Variants in SCHIP1 observed in about 807,000 individuals in gnomAD.
The protein encoded by SCHIP1 is schwannomin-interacting protein 1.
Under a neutral mutation model 29.7 loss-of-function variants are expected in SCHIP1, and 8 were observed. That is an observed-to-expected ratio of 0.27 (90% CI 0.16 to 0.49). The LOEUF is 0.49. SCHIP1 is among the 20% of genes least tolerant of loss of function. SCHIP1 has a pLI of 0.99. For synonymous variants in SCHIP1, 76 were observed against 94.9 expected (o/e 0.80, Z 1.16); for missense variants, 193 against 294.6 (o/e 0.66, Z 2.52).
the SCHIP1 span, among the ~76,000 whole-genome samples, chr3:159,739,101 A>T: frequency 6.6e-6 from 1 of 152,200 alleles, no homozygotes; most frequent in Non-Finnish European, 1.5e-5. Context: ...GCAGGACACC[A>T]TTGGCTTCTA....
the SCHIP1 span, among the ~76,000 whole-genome samples, chr3:159,603,329 G>C: frequency 2.0e-5 from 3 of 152,238 alleles, no homozygotes; most frequent in East Asian, 5.8e-4. Flanking sequence ...AGGATTTATG[G>C]AAGCTTCATT....
the SCHIP1 span, among the ~76,000 whole-genome samples, chr3:159,409,303 G>GAA: frequency 6.7e-6 from 1 of 149,440 alleles, no homozygotes; most frequent in African/African-American, 2.5e-5. Context: ...TCAGACAATA[G>GAA]AAAAAAAAAG....
the SCHIP1 span, among the ~76,000 whole-genome samples, chr3:159,535,305 A>G: frequency 6.6e-6 from 1 of 152,110 alleles, no homozygotes; most frequent in Non-Finnish European, 1.5e-5. Context: ...TCATTCTTCT[A>G]CAGGTATATG....
At chr3:159,496,549 A>T in the SCHIP1 span, among the ~76,000 whole-genome samples, 13 of 152,208 alleles carry the variant, frequency 8.5e-5, no homozygotes, top group Non-Finnish European at 1.9e-4. Context: ...TCAAAACCAC[A>T]ATGAGATACC....
the SCHIP1 span, chr3:159,274,324 A>G: frequency 1.0e-6 from 1 of 981,964 alleles, no homozygotes; most frequent in Non-Finnish European, 1.2e-6. Flanking sequence ...TTATACTTTC[A>G]GTTACCAAAA....
the SCHIP1 span, among the ~76,000 whole-genome samples, chr3:159,357,334 C>A: frequency 6.6e-6 from 1 of 152,164 alleles, no homozygotes; most frequent in Non-Finnish European, 1.5e-5. Context: ...GTGCCCTTTT[C>A]TGATGTATTT....
the SCHIP1 span, among the ~76,000 whole-genome samples, chr3:159,326,161 T>C: frequency 6.6e-6 from 1 of 152,160 alleles, no homozygotes; most frequent in African/African-American, 2.4e-5. Flanking sequence ...TAGGATTAAA[T>C]TAAAATCCAC....
the SCHIP1 span, among the ~76,000 whole-genome samples, chr3:159,395,837 C>T: frequency 4.3e-4 from 65 of 151,832 alleles, no homozygotes; most frequent in African/African-American, 1.2e-3. Context: ...CTATTAGGTC[C>T]GCTTGGTACA....
intron 1 of SCHIP1, among the ~76,000 whole-genome samples, chr3:159,860,151 A>C (rs138874644): frequency 6.6e-6 from 1 of 152,276 alleles, no homozygotes; most frequent in African/African-American, 2.4e-5. Context: ...AGCTTCTGGG[A>C]TGATGCAGCC....
the SCHIP1 span, among the ~76,000 whole-genome samples, chr3:159,435,720 T>C: frequency 1.3e-5 from 2 of 152,178 alleles, no homozygotes; most frequent in African/African-American, 4.8e-5. Flanking sequence ...ACCATGTTTG[T>C]GTTCAGTTGT....
At chr3:159,626,175 TCTATCTAG>T in the SCHIP1 span, among the ~76,000 whole-genome samples, 4 of 107,680 alleles carry the variant, frequency 3.7e-5, no homozygotes, top group South Asian at 2.6e-4. Context: ...GATATATCTA[TCTATCTAG>T]ATAGATAGAT....
At chr3:159,349,308 G>C in the SCHIP1 span, among the ~76,000 whole-genome samples, 2 of 152,090 alleles carry the variant, frequency 1.3e-5, no homozygotes, top group Admixed American at 1.3e-4. Flanking sequence ...ATACTAGAGA[G>C]GTACTTTATA....
At chr3:159,607,752 A>G in the SCHIP1 span, among the ~76,000 whole-genome samples, 1 of 152,300 alleles carries the variant, frequency 6.6e-6, no homozygotes, top group African/African-American at 2.4e-5. Context: ...GGTAGCTGGG[A>G]CAGAGGGTTG....
chr3:159,613,483 T>A, the SCHIP1 span, among the ~76,000 whole-genome samples: 1 of 152,396 alleles, frequency 6.6e-6, no homozygotes, highest in African/African-American at 2.4e-5. Context: ...GTTATGTATA[T>A]CTGATCTCAC....
chr3:159,610,179 C>T, the SCHIP1 span, among the ~76,000 whole-genome samples: 2 of 152,190 alleles, frequency 1.3e-5, no homozygotes, highest in African/African-American at 4.8e-5. Context: ...GTTTGTCTGT[C>T]TCTAAAGCTA....
At chr3:159,863,360 A>C (rs1468213534) in intron 1 of SCHIP1, among the ~76,000 whole-genome samples, 1 of 152,034 alleles carries the variant, frequency 6.6e-6, no homozygotes, top group Non-Finnish European at 1.5e-5. Context: ...AAAGAGGCTA[A>C]CTTCCATGTT....
the SCHIP1 span, among the ~76,000 whole-genome samples, chr3:159,635,256 G>T: frequency 0.011 from 1,662 of 152,236 alleles, 14 homozygotes; most frequent in Non-Finnish European, 0.018. Flanking sequence ...GCAAGCAGAG[G>T]AGCAGTCGGG....
chr3:159,811,284 G>A, the SCHIP1 span, among the ~76,000 whole-genome samples: 1 of 152,168 alleles, frequency 6.6e-6, no homozygotes, highest in Non-Finnish European at 1.5e-5. Flanking sequence ...AAGCACAAAA[G>A]TTTTTAATTT....
the SCHIP1 span, among the ~76,000 whole-genome samples, chr3:159,603,751 T>C: frequency 6.6e-6 from 1 of 152,126 alleles, no homozygotes; most frequent in Non-Finnish European, 1.5e-5. Context: ...ATACCTAGGA[T>C]TGGGTAATTT....
Sources: allele counts gnomAD v4.1 joint callset (sites outside exome capture counted in the v4.1 genomes callset), GRCh38; gene constraint gnomAD v4.1.1; transcripts MANE v1.5; gene names NCBI Gene and HGNC (gene_info 2026-07-23, HGNC 2026-07-21).